The following PRDM16 variants were observed in gnomAD, a reference collection of about 807,000 sequenced individuals.
PRDM16 encodes the protein PR/SET domain 16, also known as histone-lysine N-methyltransferase PRDM16.
Under a neutral mutation model 110.6 loss-of-function variants are expected in PRDM16, and 23 were observed. The ratio of observed to expected loss-of-function variants is 0.21; its 90% CI spans 0.15 to 0.29. PRDM16 has a LOEUF of 0.29. Ranked by LOEUF, PRDM16 falls within the 10% of genes least tolerant of loss-of-function variation. The pLI is 1.00. For synonymous variants in PRDM16, 799 were observed against 781.8 expected, an observed-to-expected ratio of 1.02 and a Z score of -0.37; for missense variants, 1,615 against 1,794.3, an observed-to-expected ratio of 0.90 and a Z score of 1.81.
At chr1:3,212,022 T>C (rs1313562206) in intron 2 of PRDM16, among the ~76,000 whole-genome samples, 2 of 152,300 alleles carry the variant, frequency 1.3e-5, no homozygotes, top group African/African-American at 2.4e-5. Context: ...GGTGGATTAA[T>C]CCTCGCGTCG....
intron 2 of PRDM16, among the ~76,000 whole-genome samples, chr1:3,188,643 C>A (rs938563882): frequency 5.9e-5 from 9 of 152,234 alleles, no homozygotes; most frequent in African/African-American, 1.9e-4. Flanking sequence ...CCCGCGCACC[C>A]GGCAGGATCT....
chr1:3,128,668 C>CTCCCACCATGCTACTGGAGACCA (rs147796784), intron 1 of PRDM16, among the ~76,000 whole-genome samples: 80 of 151,862 alleles, frequency 5.3e-4, no homozygotes, highest in African/African-American at 1.5e-3. Flanking sequence ...TGCCCTGTTC[C>CTCCCACCATGCTACTGGAGACCA]TCCCACCATG....
At chr1:3,432,747 T>G (rs1638802257) in intron 16 of PRDM16, among the ~76,000 whole-genome samples, 2 of 152,214 alleles carry the variant, frequency 1.3e-5, no homozygotes, top group South Asian at 2.1e-4. Context: ...AAAAGCCGTC[T>G]GCGTGTCTGT....
chr1:3,412,734 G>A lies in PRDM16; in HGVS notation c.2537G>A (p.Arg846Gln), dbSNP rs758745187. Residue 846 changes from arginine (R) to glutamine (Q), a missense_variant, in exon 9 of 17, where the codon CGG becomes CAG. Arg to Gln is a conservative substitution (Grantham distance 43, BLOSUM62 1). Around this residue, in one of 5 missense-constraint regions of PRDM16, gnomAD observed 772 missense variants for 748.3 expected, o/e 1.03. Transcript: ENST00000270722. ...GEGLPQVCPARMPQQPPLHYA... is the reference protein window; with the variant it reads ...GEGLPQVCPAQMPQQPPLHYA... ...GGGCTGCCCCAGGTGTGCCCGGCGC[G>A]GATGCCCCAGCAGCCCCCGCTCCAC... The A allele has an allele frequency of 5.0e-5, 76 of 1,506,174 alleles. No homozygotes were observed. In the East Asian group the frequency reaches 1.3e-3, roughly 27 times the overall value. 93.3% of individuals were successfully genotyped at this position (1,506,174 alleles called of 1,614,324 possible). A position where few individuals can be genotyped will look rare whatever the true frequency, so the allele number is the denominator to read the frequency against.
At chr1:3,432,781 C>T (rs987013942) in intron 16 of PRDM16, among the ~76,000 whole-genome samples, 6 of 152,208 alleles carry the variant, frequency 3.9e-5, no homozygotes, top group African/African-American at 1.4e-4. Context: ...CTAATTCTGT[C>T]TGGAGTGTTA....
At chr1:3,242,278 C>G (rs1639690762) in intron 2 of PRDM16, among the ~76,000 whole-genome samples, 2 of 152,230 alleles carry the variant, frequency 1.3e-5, no homozygotes, top group African/African-American at 4.8e-5. Flanking sequence ...CACTCCTCGA[C>G]GTGCCTCACG....
intron 1 of PRDM16, chr1:3,133,199 C>T (rs909374594): frequency 3.3e-5 from 5 of 152,370 alleles, no homozygotes; most frequent in African/African-American, 1.2e-4. Context: ...GACTCAGGTT[C>T]CAGGGCAGGA....
At chr1:3,273,256 C>A (rs1281921115) in intron 3 of PRDM16, among the ~76,000 whole-genome samples, 1 of 152,170 alleles carries the variant, frequency 6.6e-6, no homozygotes, top group African/African-American at 2.4e-5. Flanking sequence ...CTCCCCAGGG[C>A]ACCAACCTTG....
chr1:3,086,320 G>A (rs534100758), intron 1 of PRDM16, among the ~76,000 whole-genome samples: 12 of 152,248 alleles, frequency 7.9e-5, no homozygotes, highest in African/African-American at 2.4e-4. Context: ...GAGTCCTCTC[G>A]GCCTGCAGTT....
intron 3 of PRDM16, among the ~76,000 whole-genome samples, chr1:3,286,726 G>A (rs1233758502): frequency 6.6e-6 from 1 of 152,176 alleles, no homozygotes; most frequent in African/African-American, 2.4e-5. Flanking sequence ...CATACCGACA[G>A]CCTCTACGTG....
chr1:3,167,388 G>A (rs2100753529), intron 1 of PRDM16, among the ~76,000 whole-genome samples: 1 of 152,256 alleles, frequency 6.6e-6, no homozygotes, highest in South Asian at 2.1e-4. Context: ...GAGCCTCAGG[G>A]TTAGGGACAA....
At chr1:3,141,146 C>A (rs183105916) in intron 1 of PRDM16, among the ~76,000 whole-genome samples, 2 of 152,208 alleles carry the variant, frequency 1.3e-5, no homozygotes, top group Non-Finnish European at 2.9e-5. Context: ...TTTTTCATTC[C>A]CCAATTTCCA....
At chr1:3,267,697 G>A (rs1193229444) in intron 3 of PRDM16, among the ~76,000 whole-genome samples, 2 of 152,236 alleles carry the variant, frequency 1.3e-5, no homozygotes, top group African/African-American at 4.8e-5. Flanking sequence ...TCCCGCACCA[G>A]GGTGATTCCA....
chr1:3,267,816 T>C (rs1193779491), intron 3 of PRDM16, among the ~76,000 whole-genome samples: 1 of 152,164 alleles, frequency 6.6e-6, no homozygotes, highest in Non-Finnish European at 1.5e-5. Context: ...GGTGGCAGCA[T>C]TGGCTCCCAG....
chr1:3,184,940 G>A (rs980214536), intron 1 of PRDM16, among the ~76,000 whole-genome samples: 27 of 152,294 alleles, frequency 1.8e-4, no homozygotes, highest in African/African-American at 6.3e-4. Context: ...TTCCTACGCC[G>A]AGTGCCGCAT....
chr1:3,230,899 T>A (rs1639393106), intron 2 of PRDM16, among the ~76,000 whole-genome samples: 1 of 152,082 alleles, frequency 6.6e-6, no homozygotes, highest in Admixed American at 6.5e-5. Flanking sequence ...TGGGAGCAGG[T>A]GTGAGCAAAG....
At chr1:3,422,411 G>T (rs1449815189) in intron 12 of PRDM16, among the ~76,000 whole-genome samples, 2 of 152,224 alleles carry the variant, frequency 1.3e-5, no homozygotes, top group Admixed American at 1.3e-4. Flanking sequence ...AGATTGGGCT[G>T]CCTCAACATG....
chr1:3,276,203 T>A (rs1243716338), intron 3 of PRDM16, among the ~76,000 whole-genome samples: 1 of 152,264 alleles, frequency 6.6e-6, no homozygotes, highest in Non-Finnish European at 1.5e-5. Flanking sequence ...TAAAATGTCC[T>A]TGTGCGGGAG....
At chr1:3,335,188 G>A (rs903843876) in intron 3 of PRDM16, among the ~76,000 whole-genome samples, 7 of 152,214 alleles carry the variant, frequency 4.6e-5, no homozygotes, top group Non-Finnish European at 7.3e-5. Context: ...CAGCCCCAGC[G>A]TCCTGCTCTG....
Sources: gnomAD v4.1 joint callset for allele counts (sites outside exome capture counted in the v4.1 genomes callset) on GRCh38, gnomAD v4.1.1 for gene constraint, gnomAD v4.1.1 regional missense constraint, MANE v1.5 for transcripts, NCBI Gene and HGNC (gene_info 2026-07-23, HGNC 2026-07-21) for gene names.